The following SEMA6D variants were observed in gnomAD, a reference collection of about 807,000 sequenced individuals.
The protein encoded by SEMA6D is semaphorin-6D.
SEMA6D carries 35 observed loss-of-function variants against 106.6 expected under a neutral mutation model. The ratio of observed to expected loss-of-function variants is 0.33; its 90% confidence interval spans 0.25 to 0.44. SEMA6D has a LOEUF of 0.44. SEMA6D is among the 20% of genes least tolerant of loss of function. The pLI, the probability that SEMA6D is intolerant of heterozygous loss-of-function variation, is 1.00. For missense variants in SEMA6D, 1,185 were observed against 1,345.9 expected (o/e 0.88, Z 1.87); for synonymous variants, 499 against 487.7 (o/e 1.02, Z -0.31).
At chr15:47,477,242 T>C (rs959015314) in intron 3 of SEMA6D, among the ~76,000 whole-genome samples, 4 of 152,224 alleles carry the variant, frequency 2.6e-5, no homozygotes, top group African/African-American at 7.2e-5. Context: ...ATGTAAATTA[T>C]GTTATCAGTC....
intron 1 of SEMA6D, among the ~76,000 whole-genome samples, chr15:47,751,019 C>T (rs1185351960): frequency 6.6e-6 from 1 of 152,122 alleles, no homozygotes; most frequent in Non-Finnish European, 1.5e-5. Flanking sequence ...GTAGCCTGCC[C>T]CAGCTCTACT....
intron 17 of SEMA6D, chr15:47,767,326 G>T: frequency 2.7e-6 from 1 of 374,582 alleles, no homozygotes; most frequent in Non-Finnish European, 4.8e-6. Context: ...AAATTCAAAT[G>T]GGCTAACATA....
At chr15:47,666,440 C>T (rs1168286368) in intron 4 of SEMA6D, among the ~76,000 whole-genome samples, 1 of 152,180 alleles carries the variant, frequency 6.6e-6, no homozygotes, top group Non-Finnish European at 1.5e-5. Context: ...CCTGCTTAGT[C>T]ACCAACTACT....
At chr15:47,410,575 T>C (rs2040758041) in intron 1 of SEMA6D, among the ~76,000 whole-genome samples, 1 of 152,202 alleles carries the variant, frequency 6.6e-6, no homozygotes, top group South Asian at 2.1e-4. Flanking sequence ...GAAAAGGTTT[T>C]CTCATTAAGT....
At chr15:47,396,055 G>A (rs896191019) in intron 1 of SEMA6D, among the ~76,000 whole-genome samples, 3 of 152,136 alleles carry the variant, frequency 2.0e-5, no homozygotes, top group Admixed American at 2.0e-4. Flanking sequence ...GCAAACACCA[G>A]AGCTTTTTTT....
chr15:47,612,538 G>C (rs367681403), intron 4 of SEMA6D, among the ~76,000 whole-genome samples: 17 of 152,148 alleles, frequency 1.1e-4, no homozygotes, highest in African/African-American at 4.1e-4. Flanking sequence ...CCTTTTCATA[G>C]TTATTACTTC....
At chr15:47,724,648 G>T (rs1234183264) in intron 1 of SEMA6D, among the ~76,000 whole-genome samples, 1 of 152,086 alleles carries the variant, frequency 6.6e-6, no homozygotes, top group Non-Finnish European at 1.5e-5. Flanking sequence ...GGGGTGGGGT[G>T]GGGGTGAGGG....
At chr15:47,296,425 A>G (rs2035804550) in intron 1 of SEMA6D, among the ~76,000 whole-genome samples, 1 of 152,232 alleles carries the variant, frequency 6.6e-6, no homozygotes, top group Non-Finnish European at 1.5e-5. Context: ...GCATGCTGAA[A>G]ATTAAACAGT....
chr15:47,358,956 G>A (rs1339254670), intron 1 of SEMA6D, among the ~76,000 whole-genome samples: 1 of 152,194 alleles, frequency 6.6e-6, no homozygotes, highest in Non-Finnish European at 1.5e-5. Flanking sequence ...CAGAACAGAA[G>A]AGAAGGCTTT....
At chr15:47,496,882 GA>G (rs1391711254) in intron 3 of SEMA6D, among the ~76,000 whole-genome samples, 3 of 151,964 alleles carry the variant, frequency 2.0e-5, no homozygotes, top group Admixed American at 1.3e-4. Context: ...AACCACTTGA[GA>G]AAGCCTTCAA....
At chr15:47,253,075 TGA>T in intron 1 of SEMA6D, among the ~76,000 whole-genome samples, 1 of 152,162 alleles carries the variant, frequency 6.6e-6, no homozygotes, top group Non-Finnish European at 1.5e-5. Flanking sequence ...CCTGACTTTA[TGA>T]TAATACCCAT....
At position 47,765,063 on chromosome 15, in the gene SEMA6D, A is replaced by G. The variant is rs757796473; in HGVS notation, c.1427+7A>G. ...AAGCCTACAACCATGCAAAGTAGGT[A>G]TATGTTACGAGAACGCCCTTCAGCA... On this transcript the variant is annotated splice_region_variant and intron_variant, in intron 13 of 18. Coordinates refer to ENST00000536845, the MANE Select transcript of SEMA6D (RefSeq NM_001358351.3). 6 of 1,613,388 alleles carry G rather than the reference A, an allele frequency of 3.7e-6. No homozygotes were observed. The East Asian group carries it at 6.7e-5, about 18-fold the overall frequency.
chr15:47,506,548 T>C (rs1372854903), intron 3 of SEMA6D, among the ~76,000 whole-genome samples: 1 of 151,722 alleles, frequency 6.6e-6, no homozygotes, highest in Admixed American at 6.6e-5. Context: ...CAGTATATTG[T>C]TATTTTAGTC....
intron 1 of SEMA6D, among the ~76,000 whole-genome samples, chr15:47,307,381 G>C (rs1372170788): frequency 6.6e-6 from 1 of 152,186 alleles, no homozygotes; most frequent in East Asian, 1.9e-4. Context: ...CCTGGAAAAA[G>C]ATTAAAAATG....
intron 3 of SEMA6D, among the ~76,000 whole-genome samples, chr15:47,473,879 A>T (rs1246833977): frequency 6.6e-6 from 1 of 151,930 alleles, no homozygotes; most frequent in Non-Finnish European, 1.5e-5. Flanking sequence ...CTATATTGTG[A>T]TGGTGGCTTT....
At chr15:47,722,558 T>C (rs541953007) in intron 1 of SEMA6D, among the ~76,000 whole-genome samples, 1 of 152,280 alleles carries the variant, frequency 6.6e-6, no homozygotes, top group South Asian at 2.1e-4. Flanking sequence ...TGGCTACATC[T>C]GTAGGTTATG....
chr15:47,648,632 T>G (rs1320293430), intron 4 of SEMA6D, among the ~76,000 whole-genome samples: 1 of 152,158 alleles, frequency 6.6e-6, no homozygotes, highest in Non-Finnish European at 1.5e-5. Flanking sequence ...AAACAGTTAT[T>G]CCTTGATGCA....
At chr15:47,255,558 G>A (rs188873346) in intron 1 of SEMA6D, among the ~76,000 whole-genome samples, 96 of 151,786 alleles carry the variant, frequency 6.3e-4, no homozygotes, top group Non-Finnish European at 9.9e-4. Context: ...TTTTGATATA[G>A]GAGATTTCTT....
intron 4 of SEMA6D, among the ~76,000 whole-genome samples, chr15:47,660,051 A>G (rs2077886048): frequency 1.3e-5 from 2 of 151,860 alleles, no homozygotes; most frequent in Non-Finnish European, 2.9e-5. Context: ...TTTGTATTAT[A>G]GACTCCACTT....
Sources: allele counts gnomAD v4.1 joint callset (sites outside exome capture counted in the v4.1 genomes callset), GRCh38; gene constraint gnomAD v4.1.1; transcripts MANE v1.5; gene names NCBI Gene and HGNC (gene_info 2026-07-23, HGNC 2026-07-21).